NAA25: variants seen among roughly 807,000 people sequenced by gnomAD.
NAA25 encodes N-alpha-acetyltransferase 25, NatB auxiliary subunit, also known as N-terminal acetyltransferase B complex subunit NAA25.
In NAA25, 30 loss-of-function variants were observed where a neutral mutation model predicts 132.5. That is an observed-to-expected ratio of 0.23 (90% CI 0.17 to 0.31). The LOEUF is 0.31. Among genes scored for constraint, NAA25 ranks in the 10% least tolerant of loss-of-function variants. NAA25 has a pLI of 1.00. For missense variants in NAA25, 771 were observed against 1,150.4 expected (o/e 0.67, Z 4.77); for synonymous variants, 359 against 401.9 (o/e 0.89, Z 1.28).
intron 1 of NAA25, among the ~76,000 whole-genome samples, chr12:112,095,622 A>G (rs1566033863): frequency 6.6e-6 from 1 of 150,972 alleles, no homozygotes; most frequent in African/African-American, 2.4e-5. Context: ...AAACAAACAA[A>G]AAAAAAAAAA....
intron 13 of NAA25, among the ~76,000 whole-genome samples, chr12:112,057,249 T>G (rs1438530616): frequency 1.3e-5 from 2 of 152,162 alleles, no homozygotes; most frequent in Non-Finnish European, 2.9e-5. Context: ...ATAGTTTAAT[T>G]TGTGTAAAGT....
chr12:112,048,459 A>G lies in NAA25; in HGVS notation c.1729-16T>C, dbSNP rs746154171. The stretch of plus-strand genomic sequence containing the variant: ...ATTCTGAGGTCTGAGAAGGAAAGAC[A>G]TCACCTTGGTATAAATAGTTCACAA... On this transcript the variant is annotated splice_polypyrimidine_tract_variant and intron_variant, in intron 15 of 23. Coordinates refer to ENST00000261745, the MANE Select transcript of NAA25 (RefSeq NM_024953.4). 3 of 1,611,756 alleles carry G rather than the reference A, an allele frequency of 1.9e-6. No homozygotes were observed. The South Asian group carries it at 3.3e-5, about 18-fold the overall frequency.
chr12:112,068,022 G>A (rs915569468), intron 11 of NAA25, among the ~76,000 whole-genome samples: 1 of 152,004 alleles, frequency 6.6e-6, no homozygotes, highest in Middle Eastern at 3.2e-3. Context: ...ACAGGCGTAA[G>A]CCACCACACC....
chr12:112,042,770 G>A (rs2078320072), intron 19 of NAA25, among the ~76,000 whole-genome samples: 1 of 152,248 alleles, frequency 6.6e-6, no homozygotes, highest in Non-Finnish European at 1.5e-5. Context: ...GCCACCCAAA[G>A]TGCTGGGATT....
intron 13 of NAA25, among the ~76,000 whole-genome samples, chr12:112,057,734 T>C (rs1000536476): frequency 1.3e-5 from 2 of 152,152 alleles, no homozygotes; most frequent in Non-Finnish European, 2.9e-5. Context: ...CTCACGCCTA[T>C]AATCCCAGCA....
intron 3 of NAA25, among the ~76,000 whole-genome samples, 194 bp from the exon 4 acceptor site, chr12:112,087,995 T>C (rs977315457): frequency 2.0e-5 from 3 of 152,198 alleles, no homozygotes; most frequent in Non-Finnish European, 2.9e-5. Flanking sequence ...AGCCTTCTCA[T>C]AGCATTTACA....
intron 4 of NAA25, among the ~76,000 whole-genome samples, chr12:112,086,843 C>T (rs2079064947): frequency 1.3e-5 from 2 of 151,858 alleles, no homozygotes; most frequent in Non-Finnish European, 2.9e-5. Context: ...GAAACCCTGT[C>T]TCTATTAAAA....
intron 3 of NAA25, 38 bp downstream of exon 3, chr12:112,090,688 A>G (rs1488439298): frequency 1.3e-6 from 2 of 1,591,400 alleles, no homozygotes; most frequent in Non-Finnish European, 1.7e-6. Context: ...CAAAATTTTC[A>G]GCTCAAGTTT....
chr12:112,097,744 T>C (rs1178208214), intron 1 of NAA25, among the ~76,000 whole-genome samples: 1 of 152,042 alleles, frequency 6.6e-6, no homozygotes, highest in Admixed American at 6.6e-5. Flanking sequence ...AACCCTCCCT[T>C]CTCCAGCCAC....
At chr12:112,082,860 A>G (rs565970507) in intron 4 of NAA25, among the ~76,000 whole-genome samples, 2 of 152,252 alleles carry the variant, frequency 1.3e-5, no homozygotes, top group East Asian at 3.9e-4. Flanking sequence ...GGGTAAATGT[A>G]TCAACGCGAA....
chr12:112,060,843 T>C (rs964068570), intron 12 of NAA25, among the ~76,000 whole-genome samples: 4 of 152,214 alleles, frequency 2.6e-5, no homozygotes, highest in African/African-American at 9.6e-5. Context: ...TTTACAATAT[T>C]CTTTTTGTTC....
chr12:112,088,333 T>G (rs1332790853), intron 3 of NAA25, among the ~76,000 whole-genome samples: 10 of 145,302 alleles, frequency 6.9e-5, no homozygotes, highest in Admixed American at 5.5e-4. Flanking sequence ...TTTTTTTTTT[T>G]TTTTTTTTTT....
In NAA25 at chr12:112,061,190, G is replaced by C. The variant is rs1452330724; in HGVS notation, c.1348C>G (p.Leu450Val). The C allele has an allele frequency of 6.2e-7, 1 of 1,613,078 alleles. No individual in the cohort carries two copies. Among genetic ancestry groups the C allele is most frequent in the Non-Finnish European group, 8.5e-7 (1 of 1,179,854 alleles). ...TTGAATGGTTGCTCACCAAATTCCA[G>C]TCCATGCTGGTACCTTAACATCAAT... ...RELMLRYQHG[L>V]EFGKTCLKTE... The change falls in exon 12 of 24, where the codon CTG becomes GTG. Residue 450 changes from leucine to valine, a missense_variant. Leu to Val is a conservative substitution (Grantham distance 32, BLOSUM62 1). Transcript: ENST00000261745.
At chr12:112,042,981 A>G (rs2078323727) in intron 19 of NAA25, 107 bp downstream of exon 19, 6 of 1,093,648 alleles carry the variant, frequency 5.5e-6, no homozygotes. Flanking sequence ...AACAGCTTCC[A>G]GCTTCCATGT....
intron 13 of NAA25, among the ~76,000 whole-genome samples, chr12:112,058,348 C>CA (rs1173132925): frequency 1.3e-5 from 2 of 152,014 alleles, no homozygotes; most frequent in African/African-American, 4.8e-5. Flanking sequence ...GTGATAGTAG[C>CA]AAAAAAATTT....
chr12:112,061,453 T>A, intron 11 of NAA25, 65 bp from the exon 12 acceptor site: 2 of 1,146,398 alleles, frequency 1.7e-6, no homozygotes, highest in Non-Finnish European at 2.6e-6. Flanking sequence ...AGGCCATAAT[T>A]AACAGAAATT....
intron 7 of NAA25, among the ~76,000 whole-genome samples, chr12:112,077,309 C>T (rs1344221159): frequency 2.0e-5 from 3 of 151,786 alleles, no homozygotes; most frequent in Non-Finnish European, 2.9e-5. Flanking sequence ...CCCGTCTCTA[C>T]TAAAAATACA....
At chr12:112,090,975 T>C (rs1212802799) in intron 2 of NAA25, 111 bp from the exon 3 acceptor site, 5 of 1,084,608 alleles carry the variant, frequency 4.6e-6, no homozygotes, top group South Asian at 3.2e-5. Context: ...GTTGCTGATA[T>C]ACTAGTTTCA....
chr12:112,078,093 G>T lies in NAA25; in HGVS notation c.664+95C>A, dbSNP rs920692855. 3.0e-5 allele frequency: 24 copies of T among 791,886 alleles called. No homozygotes were observed. The Admixed American group carries it at 5.7e-4, about 19-fold the overall frequency. 49.1% of individuals were successfully genotyped at this position (791,886 alleles called of 1,614,324 possible). On this transcript the variant is annotated intron_variant, in intron 7 of 23. Transcript: ENST00000261745. The stretch of plus-strand genomic sequence containing the variant: ...TAACAAAATGATCAAAAGTGTTTAT[G>T]TCTTTATATCCTTATGTGGAAATTT...
Sources: allele counts gnomAD v4.1 joint callset (sites outside exome capture counted in the v4.1 genomes callset), GRCh38; gene constraint gnomAD v4.1.1; transcripts MANE v1.5; gene names NCBI Gene and HGNC (gene_info 2026-07-23, HGNC 2026-07-21).